The following ANKRD27 variants were observed in gnomAD, a reference collection of about 807,000 sequenced individuals.
ANKRD27 encodes the protein ankyrin repeat domain 27, also known as ankyrin repeat domain-containing protein 27.
ANKRD27 carries 112 observed loss-of-function variants against 129.7 expected under a neutral mutation model. The ratio of observed to expected loss-of-function variants is 0.86; its 90% CI spans 0.74 to 1.01. ANKRD27 has a LOEUF of 1.01. ANKRD27 is among the 50% of genes least tolerant of loss of function. The probability of loss-of-function intolerance (pLI) is 0.00; values close to 1 mark genes in which losing one functional copy is unlikely to be tolerated. For missense variants in ANKRD27, 1,258 were observed against 1,300.5 expected (o/e 0.97, Z 0.50); for synonymous variants, 516 against 511.2 (o/e 1.01, Z -0.13).
intron 2 of ANKRD27, among the ~76,000 whole-genome samples, chr19:32,658,594 G>A (rs1176832055): frequency 6.6e-6 from 1 of 152,186 alleles, no homozygotes; most frequent in Non-Finnish European, 1.5e-5. Context: ...CCCTGGAGAA[G>A]CCTCCATAGG....
chr19:32,652,845 T>C (rs1004575161), intron 2 of ANKRD27, among the ~76,000 whole-genome samples: 1 of 151,048 alleles, frequency 6.6e-6, no homozygotes, highest in Admixed American at 6.6e-5. Context: ...GGAGGATCAC[T>C]TGAGTCCAGG....
At chr19:32,605,621 A>C (rs1326426121) in intron 24 of ANKRD27, among the ~76,000 whole-genome samples, 1 of 152,196 alleles carries the variant, frequency 6.6e-6, no homozygotes, top group African/African-American at 2.4e-5. Context: ...GCAGCGTCGG[A>C]GCCCTTGAGA....
intron 18 of ANKRD27, 29 bp from the exon 19 acceptor site, chr19:32,619,582 A>G (rs763781087): frequency 6.2e-7 from 1 of 1,612,956 alleles, no homozygotes; most frequent in East Asian, 2.2e-5. Flanking sequence ...TGCCAACAGT[A>G]CCCCGTGAGA....
At chr19:32,647,802 C>T (rs1460760516) in intron 3 of ANKRD27, among the ~76,000 whole-genome samples, 1 of 152,226 alleles carries the variant, frequency 6.6e-6, no homozygotes, top group Non-Finnish European at 1.5e-5. Context: ...GCCATGACCA[C>T]AGTAAGCCAT....
At chr19:32,615,409 G>A (rs147823871) in intron 22 of ANKRD27, among the ~76,000 whole-genome samples, 2 of 152,156 alleles carry the variant, frequency 1.3e-5, no homozygotes, top group Non-Finnish European at 2.9e-5. Context: ...ACACAGAAAG[G>A]CTGAGTCTCT....
At chr19:32,605,535 G>C (rs540298285) in intron 24 of ANKRD27, among the ~76,000 whole-genome samples, 1 of 152,100 alleles carries the variant, frequency 6.6e-6, no homozygotes, top group African/African-American at 2.4e-5. Flanking sequence ...GGACAGAGGC[G>C]GCCACTCAGC....
chr19:32,642,982 G>C, intron 9 of ANKRD27, 141 bp downstream of exon 9: 2 of 791,044 alleles, frequency 2.5e-6, no homozygotes, highest in South Asian at 3.3e-5. Context: ...CTTTATCTTT[G>C]GTTGCAAGTA....
chr19:32,606,321 T>C (rs1447529236), intron 23 of ANKRD27, among the ~76,000 whole-genome samples: 1 of 151,942 alleles, frequency 6.6e-6, no homozygotes, highest in East Asian at 1.9e-4. Flanking sequence ...CTTGGCTAAT[T>C]TTCTGTATTT....
rs1004130985 is a variant in ANKRD27 at position 32,607,630 on chromosome 19, C to A, written c.2373+5G>T. 2 of 1,610,626 alleles carry A rather than the reference C, an allele frequency of 1.2e-6. No homozygotes were observed. Among genetic ancestry groups the A allele is most frequent in the East Asian group, 4.5e-5 (2 of 44,832 alleles). On this transcript the variant is annotated splice_donor_5th_base_variant and intron_variant, in intron 23 of 28. Transcript: ENST00000306065. Reference sequence around the variant, plus strand: ...GCTCCACCACCCCCAACACACAGCCCGAACCTGAAAGTGGCCCTGCTGGCA... The same window carrying A: ...GCTCCACCACCCCCAACACACAGCCAGAACCTGAAAGTGGCCCTGCTGGCA...
intron 22 of ANKRD27, among the ~76,000 whole-genome samples, chr19:32,615,025 C>T (rs974138504): frequency 4.6e-5 from 7 of 152,142 alleles, no homozygotes; most frequent in African/African-American, 1.4e-4. Flanking sequence ...GCAGAACATG[C>T]GTGCAGCTTC....
At chr19:32,666,065 G>A (rs762602579) in intron 1 of ANKRD27, among the ~76,000 whole-genome samples, 2 of 151,998 alleles carry the variant, frequency 1.3e-5, no homozygotes, top group Non-Finnish European at 2.9e-5. Context: ...ACCACACTCA[G>A]CCCTATAATT....
At chr19:32,671,644 G>A (rs955040058) in intron 1 of ANKRD27, among the ~76,000 whole-genome samples, 3 of 151,932 alleles carry the variant, frequency 2.0e-5, no homozygotes, top group East Asian at 2.0e-4. Context: ...GCAGTGAGCC[G>A]AGATCGGGCC....
chr19:32,624,141 CG>C (rs1476720364), intron 17 of ANKRD27, among the ~76,000 whole-genome samples: 3 of 151,618 alleles, frequency 2.0e-5, no homozygotes, highest in African/African-American at 7.3e-5. Context: ...CTGAGGCAGG[CG>C]GATCACTTGA....
At chr19:32,639,568 A>T in intron 11 of ANKRD27, 80 bp from the exon 12 acceptor site, 1 of 1,484,356 alleles carries the variant, frequency 6.7e-7, no homozygotes, top group Non-Finnish European at 9.2e-7. Flanking sequence ...GGCTTGGGCA[A>T]CTGATCAAAT....
Position 32,644,365 on chromosome 19 carries a change from G to A in ANKRD27, c.485C>T (p.Thr162Ile), listed in dbSNP as rs760871187. 1 of 1,613,944 alleles carries A rather than the reference G, an allele frequency of 6.2e-7. No homozygotes were observed. The highest frequency in any genetic ancestry group is 2.2e-5 in the East Asian group (1 of 44,884). Residue 162 changes from threonine (T) to isoleucine (I), a missense_variant, in exon 5 of 29, where the codon ACA (threonine) becomes ATA (isoleucine). Transcript: ENST00000306065. Reference sequence around the variant, plus strand: ...GCTCTTTCTCTCGCATTCTCGGAATGTTCGATGGAAAGAGGCGATGTTCCT... The same window carrying A: ...GCTCTTTCTCTCGCATTCTCGGAATATTCGATGGAAAGAGGCGATGTTCCT... ...FDRNIASFHR[T>I]FRECERKSLR...
At chr19:32,640,556 G>A (rs1967179634) in intron 10 of ANKRD27, among the ~76,000 whole-genome samples, 171 bp from the exon 11 acceptor site, 1 of 152,218 alleles carries the variant, frequency 6.6e-6, no homozygotes, top group Admixed American at 6.5e-5. Flanking sequence ...CAGATGTCAG[G>A]TCCAGGGGGA....
intron 12 of ANKRD27, among the ~76,000 whole-genome samples, chr19:32,634,351 G>C (rs760099250): frequency 2.9e-4 from 44 of 152,182 alleles, no homozygotes; most frequent in Non-Finnish European, 6.0e-4. Context: ...GTCAATTACA[G>C]GCCACAGTAA....
At chr19:32,638,546 T>A (rs1967133682) in intron 12 of ANKRD27, 1 of 152,346 alleles carries the variant, frequency 6.6e-6, no homozygotes, top group Non-Finnish European at 1.5e-5. Flanking sequence ...CTCACTACAT[T>A]GCAGGTGACG....
intron 12 of ANKRD27, chr19:32,637,248 G>A (rs1056387882): frequency 1.3e-5 from 2 of 152,134 alleles, no homozygotes; most frequent in Non-Finnish European, 1.5e-5. Flanking sequence ...AAAGATGAAT[G>A]TTCAATCCTT....
Sources: gnomAD v4.1 joint callset for allele counts (sites outside exome capture counted in the v4.1 genomes callset) on GRCh38, gnomAD v4.1.1 for gene constraint, MANE v1.5 for transcripts, NCBI Gene and HGNC (gene_info 2026-07-23, HGNC 2026-07-21) for gene names.